Variants in PPP2R3A observed in about 807,000 individuals in gnomAD.
The protein encoded by PPP2R3A is protein phosphatase 2 regulatory subunit B''alpha, also known as serine/threonine-protein phosphatase 2A regulatory subunit B'' subunit alpha.
A neutral mutation model predicts 106.9 loss-of-function variants in PPP2R3A; 80 were observed. The ratio of observed to expected loss-of-function variants is 0.75; its 90% CI spans 0.62 to 0.90. PPP2R3A has a LOEUF of 0.90. Ranked by LOEUF, PPP2R3A falls within the 40% of genes least tolerant of loss-of-function variation. The pLI is 0.00. For synonymous variants in PPP2R3A, 483 were observed against 468.3 expected, an observed-to-expected ratio of 1.03 and a Z score of -0.41; for missense variants, 1,386 against 1,350.4, an observed-to-expected ratio of 1.03 and a Z score of -0.41.
At chr3:135,994,024 T>A (rs1933283210) in intron 1 of PPP2R3A, among the ~76,000 whole-genome samples, 1 of 152,220 alleles carries the variant, frequency 6.6e-6, no homozygotes, top group African/African-American at 2.4e-5. Context: ...ATGGTTCTTG[T>A]CAAATCTCAC....
chr3:135,971,769 T>C (rs1937254162), intron 1 of PPP2R3A, among the ~76,000 whole-genome samples: 1 of 152,192 alleles, frequency 6.6e-6, no homozygotes, highest in East Asian at 1.9e-4. Context: ...AACTTGTGTA[T>C]GCTTGGACAG....
chr3:136,008,892 G>A (rs1200139307), intron 2 of PPP2R3A, among the ~76,000 whole-genome samples: 2 of 151,974 alleles, frequency 1.3e-5, no homozygotes, highest in Non-Finnish European at 2.9e-5. Context: ...AAGGTCATCA[G>A]GACTAATCTG....
In PPP2R3A at chr3:136,145,147, A is replaced by T; in HGVS notation, c.3434A>T (p.Gln1145Leu). Residue 1145 changes from glutamine to leucine, a missense_variant, in exon 14 of 14, where the codon CAA becomes CTA. Coordinates refer to ENST00000264977, the MANE Select transcript of PPP2R3A (RefSeq NM_002718.5). The part of the protein sequence containing the change: ...ASLPEKCGKL[Q>L]SVDEE ...CTTCCAGAGAAATGTGGAAAGCTTC[A>T]ATCAGTGGATGAAGAATAGCTGCCG... The T allele has an allele frequency of 6.2e-7, 1 of 1,611,690 alleles. No individual in the cohort carries two copies. Among genetic ancestry groups the T allele is most frequent in the Non-Finnish European group, 8.5e-7 (1 of 1,179,308 alleles).
chr3:136,002,513 C>T lies in PPP2R3A; in HGVS notation c.1015C>T (p.Gln339Ter). ...EQPPKYEDVV[Q>*]LSASDSGRFQ... ...ACCCCCTAAATATGAAGATGTTGTC[C>T]AGCTCTCAGCTTCTGACTCTGGACG... Residue 339 changes from glutamine to a stop codon, truncating the protein, a stop_gained, in exon 2 of 14, where the codon CAG (glutamine) becomes TAG (stop). Transcript: ENST00000264977. LOFTEE classifies it high-confidence loss of function. The T allele has an allele frequency of 6.2e-7, 1 of 1,614,066 alleles. No homozygotes were observed. Among genetic ancestry groups the T allele is most frequent in the Admixed American group, 1.7e-5 (1 of 60,008 alleles).
intron 1 of PPP2R3A, among the ~76,000 whole-genome samples, chr3:135,974,805 C>T (rs1223309666): frequency 6.6e-6 from 1 of 152,218 alleles, no homozygotes; most frequent in East Asian, 1.9e-4. Context: ...AACAGAGTTC[C>T]TCCAGTTGAA....
chr3:135,997,153 C>G (rs1933433858), intron 1 of PPP2R3A, among the ~76,000 whole-genome samples: 2 of 152,146 alleles, frequency 1.3e-5, no homozygotes, highest in Admixed American at 1.3e-4. Flanking sequence ...TTTTATAGCC[C>G]TCCTTTTCTT....
chr3:136,049,576 A>G (rs1427417655), intron 5 of PPP2R3A, among the ~76,000 whole-genome samples: 1 of 113,086 alleles, frequency 8.8e-6, no homozygotes, highest in African/African-American at 4.0e-5. Flanking sequence ...AACAGAACCC[A>G]TAGTAGTAAA....
chr3:136,090,705 A>G (rs759942477), intron 10 of PPP2R3A, 38 bp downstream of exon 10: 1 of 1,533,110 alleles, frequency 6.5e-7, no homozygotes, highest in South Asian at 1.1e-5. Flanking sequence ...GATGTTAAAC[A>G]CATGCACAAA....
intron 8 of PPP2R3A, among the ~76,000 whole-genome samples, chr3:136,087,291 C>CTCTG (rs1435049921): frequency 5.3e-5 from 8 of 149,710 alleles, no homozygotes; most frequent in Admixed American, 4.0e-4. Context: ...CTCTCTCTCT[C>CTCTG]TCTCTCTCAC....
At chr3:135,967,206 T>C (rs1369498176) in intron 1 of PPP2R3A, among the ~76,000 whole-genome samples, 2 of 152,128 alleles carry the variant, frequency 1.3e-5, no homozygotes, top group Non-Finnish European at 2.9e-5. Flanking sequence ...TTTTATACAA[T>C]CTAGGAGCTC....
chr3:136,101,387 A>G (rs912141897), intron 10 of PPP2R3A, among the ~76,000 whole-genome samples: 14 of 152,316 alleles, frequency 9.2e-5, no homozygotes, highest in East Asian at 3.9e-4. Context: ...CAACTTTCAT[A>G]ATGTGAAATC....
chr3:136,092,680 TAAAC>T (rs1295379586), intron 10 of PPP2R3A, among the ~76,000 whole-genome samples: 3 of 152,090 alleles, frequency 2.0e-5, no homozygotes, highest in Non-Finnish European at 2.9e-5. Flanking sequence ...GACATAAAAA[TAAAC>T]AAAATTGAAT....
chr3:136,089,588 A>T, intron 9 of PPP2R3A, among the ~76,000 whole-genome samples: 1 of 150,212 alleles, frequency 6.7e-6, no homozygotes. Flanking sequence ...TTCCATATGA[A>T]TTTTAGAATG....
intron 13 of PPP2R3A, among the ~76,000 whole-genome samples, chr3:136,119,945 G>T (rs1221581107): frequency 6.6e-6 from 1 of 152,124 alleles, no homozygotes; most frequent in Non-Finnish European, 1.5e-5. Context: ...CAAAGACTTG[G>T]AACCAACCCA....
chr3:136,030,780 A>ATATATATATATATATATG (rs1934851959), intron 3 of PPP2R3A, among the ~76,000 whole-genome samples: 1 of 91,032 alleles, frequency 1.1e-5, no homozygotes, highest in Non-Finnish European at 2.5e-5. Context: ...ATATATATAT[A>ATATATATATATATATATG]TGTATGTATG....
chr3:136,091,558 A>G (rs1937095418), intron 10 of PPP2R3A, among the ~76,000 whole-genome samples: 1 of 152,198 alleles, frequency 6.6e-6, no homozygotes, highest in Admixed American at 6.5e-5. Flanking sequence ...TTGAGGCTGT[A>G]GTGAGCTAGG....
At chr3:135,996,718 A>G (rs1053789467) in intron 1 of PPP2R3A, among the ~76,000 whole-genome samples, 1 of 152,168 alleles carries the variant, frequency 6.6e-6, no homozygotes, top group Non-Finnish European at 1.5e-5. Flanking sequence ...CTACTTCTAC[A>G]TCAGTCCTGC....
chr3:136,026,808 C>T (rs1397284948), intron 2 of PPP2R3A, 24 bp from the exon 3 acceptor site: 1 of 1,572,788 alleles, frequency 6.4e-7, no homozygotes, highest in Non-Finnish European at 8.6e-7. Context: ...TTTTTTGTGT[C>T]TCATAATCTT....
rs67116006 is a variant in PPP2R3A, at chr3:136,041,238, GTTTTTTTTT to G, written c.2366+279_2366+287del. On this transcript the variant is annotated intron_variant, in intron 4 of 13. Transcript: ENST00000264977. ...TTATTAGTTTTACTTGGTTTTTCTT[GTTTTTTTTT>G]TTGTTTTTTTTTTTGTTTTTTTTTT... 5.4e-5 allele frequency among the ~76,000 whole-genome samples: 5 copies of G among 92,910 alleles called. 1 individual carries two copies. The South Asian group carries it at 1.6e-3, about 30-fold the overall frequency. The allele number at this position is 92,910 out of a possible 152,430, so 61.0% of individuals were successfully genotyped here.
Sources: gnomAD v4.1 joint callset for allele counts (sites outside exome capture counted in the v4.1 genomes callset) on GRCh38, gnomAD v4.1.1 for gene constraint, MANE v1.5 for transcripts, NCBI Gene and HGNC (gene_info 2026-07-23, HGNC 2026-07-21) for gene names.